CHTF18: variants seen among roughly 807,000 people sequenced by gnomAD.
CHTF18 encodes the protein chromosome transmission fidelity factor 18, also known as chromosome transmission fidelity protein 18 homolog.
In CHTF18, 151 loss-of-function variants were observed where a neutral mutation model predicts 113.4. That is an observed-to-expected ratio of 1.33 (90% CI 1.17 to 1.52). CHTF18 has a LOEUF of 1.52. Ranked by LOEUF, CHTF18 falls within the 40% of genes most tolerant of loss-of-function variation. The probability of loss-of-function intolerance (pLI) is 0.00; values close to 1 mark genes in which losing one functional copy is unlikely to be tolerated. For synonymous variants in CHTF18, 916 were observed against 598.8 expected (o/e 1.53, Z -7.74); for missense variants, 1,982 against 1,381.6 (o/e 1.43, Z -6.89).
chr16:797,653 G>A, intron 20 of CHTF18, 41 bp from the exon 21 acceptor site: 1 of 1,603,006 alleles, frequency 6.2e-7, no homozygotes, highest in Non-Finnish European at 8.5e-7. Flanking sequence ...GCTGGATGGG[G>A]CATCTGTCCT....
chr16:793,081 C>G lies in CHTF18; in HGVS notation c.1671+17C>G. 1 of 1,152,556 alleles carries G rather than the reference C, an allele frequency of 8.7e-7. No homozygotes were observed. Among genetic ancestry groups the G allele is most frequent in the South Asian group, 1.4e-5 (1 of 69,632 alleles). The allele number at this position is 1,152,556 out of a possible 1,614,324, so 71.4% of individuals were successfully genotyped here. On this transcript the variant is annotated intron_variant, in intron 13 of 21. Coordinates refer to ENST00000262315, the MANE Select transcript of CHTF18 (RefSeq NM_022092.3). ...ACCCTGCAGGTGGGCGGCCGGCAGG[C>G]ACCGGGTGGGGTGGGGTGGGGTCAG... is the stretch of plus-strand genomic sequence containing the variant.
intron 11 of CHTF18, 25 bp from the exon 12 acceptor site, chr16:792,693 C>T (rs763782919): frequency 7.6e-6 from 12 of 1,575,964 alleles, no homozygotes; most frequent in Admixed American, 1.8e-5. Context: ...ACCCTGGGGT[C>T]CCTGGCCCTG....
In CHTF18 at chr16:790,642, C is replaced by G. The variant is rs2042171977; in HGVS notation, c.870C>G (p.His290Gln). ...CLWVDEFAPR[H>Q]YTELLSDDFT... Reference sequence around the variant, plus strand: ...GGGTGGATGAGTTTGCACCCCGCCACTACACGGAGCTGCTCAGTGATGACG... The same window carrying G: ...GGGTGGATGAGTTTGCACCCCGCCAGTACACGGAGCTGCTCAGTGATGACG... Residue 290 changes from histidine (H) to glutamine (Q), a missense_variant, in exon 7 of 22, where the codon CAC becomes CAG. His to Gln is a conservative substitution (Grantham distance 24). Transcript: ENST00000262315. 1.9e-6 allele frequency: 3 copies of G among 1,592,052 alleles called. No individual in the cohort carries two copies. The highest frequency in any genetic ancestry group is 1.7e-6 in the Non-Finnish European group (2 of 1,172,868).
chr16:789,794 C>T, intron 4 of CHTF18, 79 bp downstream of exon 4: 2 of 1,448,166 alleles, frequency 1.4e-6, no homozygotes, highest in Non-Finnish European at 1.8e-6. Flanking sequence ...CTCACCCCTG[C>T]CATTTGCTTA....
intron 8 of CHTF18, chr16:791,649 G>T: frequency 7.0e-7 from 1 of 1,429,188 alleles, no homozygotes; most frequent in Non-Finnish European, 9.1e-7. Flanking sequence ...TGTTTTGTCT[G>T]CACGAACTTT....
rs1415084772 is a variant in CHTF18, at chr16:788,681, C to T, written c.-4C>T. On this transcript the variant is annotated 5_prime_UTR_variant, in exon 1 of 22. It adds an upstream start codon to the 5' untranslated region. Coordinates refer to ENST00000262315, the MANE Select transcript of CHTF18 (RefSeq NM_022092.3). ...CGGAGCGGGAGCTCGGGCTCGCGGA[C>T]GGTATGGAGGACTACGAGCAGGAGC... 1.3e-6 allele frequency: 2 copies of T among 1,541,774 alleles called. No individual in the cohort carries two copies. Among genetic ancestry groups the T allele is most frequent in the South Asian group, 1.2e-5 (1 of 83,250 alleles).
At chr16:790,975 G>A in intron 7 of CHTF18, 186 bp from the exon 8 acceptor site, 2 of 1,446,946 alleles carry the variant, frequency 1.4e-6, no homozygotes, top group Non-Finnish European at 1.8e-6. Flanking sequence ...ATGGGTTGTG[G>A]CCAGAGCCGT....
rs2042332895 is a variant in CHTF18 at position 795,952 on chromosome 16, C to T, written c.2331C>T (p.Ser777=). The T allele has an allele frequency of 1.2e-6, 2 of 1,609,720 alleles. No homozygotes were observed. The highest frequency in any genetic ancestry group is 1.7e-5 in the Admixed American group (1 of 59,680). ...TGCTGCCTCCCATCCCCTAGGTGAG[C>T]ACACAGCTGTACAGCACCCGTGAAA... ...DILAPKLRPV[S]TQLYSTREKQ... is the part of the protein sequence containing the mutation. Residue 777 remains serine, a synonymous_variant, in exon 18 of 22, where the codon AGC becomes AGT. Coordinates refer to ENST00000262315, the MANE Select transcript of CHTF18 (RefSeq NM_022092.3).
chr16:792,857 G>C (rs1395364461), intron 12 of CHTF18, 46 bp downstream of exon 12: 9 of 1,532,190 alleles, frequency 5.9e-6, no homozygotes, highest in Non-Finnish European at 7.9e-6. Flanking sequence ...GGGGTTGGGG[G>C]CGTGGCCTCG....
Position 792,314 on chromosome 16 carries a change from C to T in CHTF18, c.1293C>T (p.Cys431=). The change falls in exon 10 of 22, where the codon TGC becomes TGT. Residue 431 remains cysteine, a synonymous_variant. Transcript: ENST00000262315. ...SVLGAGGKPN[C]LVIDEIDGAP... Reference sequence around the variant, plus strand: ...TGGGTGCTGGCGGGAAGCCCAACTGCCTGGTCATCGATGAGATCGACGGGG... The same window carrying T: ...TGGGTGCTGGCGGGAAGCCCAACTGTCTGGTCATCGATGAGATCGACGGGG... 4 of 1,553,294 alleles carry T rather than the reference C, an allele frequency of 2.6e-6. No homozygotes were observed. The highest frequency in any genetic ancestry group is 2.4e-5 in the South Asian group (2 of 84,278).
chr16:797,033 C>T lies in CHTF18; in HGVS notation c.2674C>T (p.Pro892Ser), dbSNP rs80165523. ...GGAGAAAGGGGTGCACCGACCTGCC[C>T]CACGCAACCATGAGCAGCGGCTGGA... Reference protein sequence around the residue: ...IGEKGVHRPAPRNHEQRLEHI... With the variant: ...IGEKGVHRPASRNHEQRLEHI... The change falls in exon 20 of 22, where the codon CCA (proline) becomes TCA (serine). Residue 892 changes from proline to serine, a missense_variant. By Grantham distance (74) the Pro-to-Ser change is moderately conservative. Coordinates refer to ENST00000262315, the MANE Select transcript of CHTF18 (RefSeq NM_022092.3). 51 of 1,560,492 alleles carry T rather than the reference C, an allele frequency of 3.3e-5. No individual in the cohort carries two copies. Among genetic ancestry groups the T allele is most frequent in the Non-Finnish European group, 4.2e-5 (49 of 1,153,246 alleles).
intron 8 of CHTF18, 54 bp downstream of exon 8, chr16:791,424 GC>G: frequency 6.6e-7 from 1 of 1,522,182 alleles, no homozygotes; most frequent in Non-Finnish European, 8.8e-7. Flanking sequence ...TGCACTCGGC[GC>G]CGGCACCCTT....
intron 21 of CHTF18, 31 bp downstream of exon 21, chr16:797,782 G>T: frequency 2.5e-6 from 4 of 1,599,666 alleles, no homozygotes; most frequent in Non-Finnish European, 3.4e-6. Context: ...GGGTTGTGGG[G>T]GGCCTGGGGG....
At chr16:794,006 C>T (rs1243942086) in intron 14 of CHTF18, 48 bp from the exon 15 acceptor site, 10 of 1,582,962 alleles carry the variant, frequency 6.3e-6, no homozygotes, top group Non-Finnish European at 7.7e-6. Context: ...GGTGGGGCTG[C>T]CTGTGCTTTT....
intron 1 of CHTF18, 41 bp from the exon 2 acceptor site, chr16:788,890 G>A: frequency 2.0e-6 from 3 of 1,506,978 alleles, no homozygotes; most frequent in Non-Finnish European, 2.6e-6. Context: ...GGCGGGATCT[G>A]CTGTCTCGGG....
chr16:794,456 G>C (rs2042284093), intron 15 of CHTF18, among the ~76,000 whole-genome samples: 1 of 152,266 alleles, frequency 6.6e-6, no homozygotes, highest in Non-Finnish European at 1.5e-5. Context: ...CGCTCTGGTG[G>C]CTGCTTGGGA....
rs2042363151 is a variant in CHTF18 at position 796,852 on chromosome 16, C to T, written c.2592C>T (p.Asn864=). 5 of 1,602,944 alleles carry T rather than the reference C, an allele frequency of 3.1e-6. No individual in the cohort carries two copies. Among genetic ancestry groups the T allele is most frequent in the Non-Finnish European group, 4.3e-6 (5 of 1,175,556 alleles). The change falls in exon 19 of 22, where the codon AAC becomes AAT. Residue 864 remains asparagine, a synonymous_variant. Transcript: ENST00000262315. ...RRAEASARVE[N]SPQVDGSPPG... Reference sequence around the variant, plus strand: ...CGGAGGCTTCTGCCCGGGTAGAGAACAGCCCCCAGGTGAGCCCACCCAGGC... The same window carrying T: ...CGGAGGCTTCTGCCCGGGTAGAGAATAGCCCCCAGGTGAGCCCACCCAGGC...
Position 789,608 on chromosome 16 carries a change from G to T in CHTF18, c.499G>T (p.Val167Phe). 3.1e-6 allele frequency: 5 copies of T among 1,608,688 alleles called. No homozygotes were observed. The highest frequency in any genetic ancestry group is 1.7e-4 in the Middle Eastern group (1 of 6,054). Reference protein sequence around the residue: ...TRASPAARNPVLRRPPILEDY... With the variant: ...TRASPAARNPFLRRPPILEDY... ...GGCCTCACCAGCTGCCCGCAATCCCGTCCTGAGGCGGCCCCCCATCTTGGA... is the reference window on the plus strand; with the variant it reads ...GGCCTCACCAGCTGCCCGCAATCCCTTCCTGAGGCGGCCCCCCATCTTGGA... The change falls in exon 4 of 22, where the codon GTC becomes TTC. Residue 167 changes from valine to phenylalanine, a missense_variant. Val to Phe is a conservative substitution (Grantham distance 50, BLOSUM62 -1). Transcript: ENST00000262315.
intron 8 of CHTF18, chr16:791,616 GC>G (rs1010027019): frequency 1.4e-6 from 2 of 1,430,028 alleles, no homozygotes; most frequent in African/African-American, 2.9e-5. Context: ...GTTTCTGGGG[GC>G]CAGTCACACT....
Sources: allele counts gnomAD v4.1 joint callset (sites outside exome capture counted in the v4.1 genomes callset), GRCh38; gene constraint gnomAD v4.1.1; transcripts MANE v1.5; gene names NCBI Gene and HGNC (gene_info 2026-07-23, HGNC 2026-07-21).